The following ZFAND6 variants were observed in gnomAD, a reference collection of about 807,000 sequenced individuals.
ZFAND6 encodes zinc finger AN1-type containing 6.
In ZFAND6, 12 loss-of-function variants were observed where a neutral mutation model predicts 24.5. The observed-to-expected ratio is 0.49, with a 90% CI of 0.31 to 0.79. ZFAND6 has a LOEUF of 0.79. Among genes scored for constraint, ZFAND6 ranks in the 30% least tolerant of loss-of-function variants. The probability of loss-of-function intolerance (pLI) is 0.04; values close to 1 mark genes in which losing one functional copy is unlikely to be tolerated. For missense variants in ZFAND6, 207 were observed against 245.9 expected (o/e 0.84, Z 1.06); for synonymous variants, 92 against 81.5 (o/e 1.13, Z -0.69).
intron 1 of ZFAND6, chr15:80,060,175 G>T (rs1422068482): frequency 2.6e-5 from 4 of 152,078 alleles, no homozygotes; most frequent in Non-Finnish European, 4.4e-5. Flanking sequence ...GTTGCGAGCG[G>T]TTGGCTGGCG....
intron 1 of ZFAND6, among the ~76,000 whole-genome samples, chr15:80,073,562 G>A (rs2037098182): frequency 6.6e-6 from 1 of 151,792 alleles, no homozygotes; most frequent in African/African-American, 2.4e-5. Flanking sequence ...TACTTGTTCC[G>A]GATCATGCAA....
In ZFAND6 at chr15:80,064,687, A is replaced by G. The variant is rs554232438; in HGVS notation, c.-181+4878A>G. ...ACACGGTCTTGCTCTATCACCCAGG[A>G]TAGAGGGCAGTGGTGCAGTCATGGT... On this transcript the variant is annotated intron_variant, in intron 1 of 6. Transcript: ENST00000261749. 7.2e-5 allele frequency among the ~76,000 whole-genome samples: 11 copies of G among 152,126 alleles called. No homozygotes were observed. The South Asian group carries it at 2.1e-3, about 29-fold the overall frequency.
intron 3 of ZFAND6, 103 bp from the exon 4 acceptor site, chr15:80,121,609 C>G: frequency 1.1e-6 from 1 of 881,512 alleles, no homozygotes; most frequent in Non-Finnish European, 1.7e-6. Context: ...AAAAGAAAAC[C>G]TCTATACTGT....
At chr15:80,114,865 A>G (rs1041342341) in intron 2 of ZFAND6, among the ~76,000 whole-genome samples, 4 of 152,256 alleles carry the variant, frequency 2.6e-5, no homozygotes, top group Non-Finnish European at 5.9e-5. Flanking sequence ...TTAAAGCTGC[A>G]TAATATGTTA....
intron 1 of ZFAND6, among the ~76,000 whole-genome samples, chr15:80,087,105 A>G (rs1046607744): frequency 6.6e-6 from 1 of 152,230 alleles, no homozygotes; most frequent in African/African-American, 2.4e-5. Flanking sequence ...TCTGTTGTGA[A>G]TAATGCCACT....
rs377287984 is a variant in ZFAND6, at chr15:80,131,179, G to C, written c.365-1G>C. 3.9e-5 allele frequency: 60 copies of C among 1,532,242 alleles called. No homozygotes were observed. Among genetic ancestry groups the C allele is most frequent in the Non-Finnish European group, 5.2e-5 (59 of 1,135,686 alleles). 94.9% of individuals were successfully genotyped at this position (1,532,242 alleles called of 1,614,324 possible). ...TTTTGCCACCTTCGTATTTTTGTTA[G>C]CTTCAGTATCAGACACAGCACAGCA... On this transcript the variant is annotated splice_acceptor_variant, in intron 5 of 6. Transcript: ENST00000261749. LOFTEE classifies it high-confidence loss of function.
chr15:80,084,440 T>G (rs1030696588), intron 1 of ZFAND6, among the ~76,000 whole-genome samples: 4 of 152,198 alleles, frequency 2.6e-5, no homozygotes, highest in African/African-American at 9.6e-5. Flanking sequence ...CCCAGACATT[T>G]TGGAAAAAGG....
intron 1 of ZFAND6, among the ~76,000 whole-genome samples, chr15:80,082,966 C>T (rs1477166347): frequency 6.6e-6 from 1 of 152,038 alleles, no homozygotes; most frequent in Non-Finnish European, 1.5e-5. Context: ...TACTATGTAT[C>T]CTATACATAT....
At position 80,137,894 on chromosome 15, in the gene ZFAND6, C is replaced by T. The variant is rs556016603; in HGVS notation, c.*266C>T. Reference sequence around the variant, plus strand: ...GAGTGCAGAGGGCTTTTATAACAAACGTGCAGAAATTTTGGAGGGCTGTGA... The same window carrying T: ...GAGTGCAGAGGGCTTTTATAACAAATGTGCAGAAATTTTGGAGGGCTGTGA... On this transcript the variant is annotated 3_prime_UTR_variant, in exon 7 of 7. Coordinates refer to ENST00000261749, the MANE Select transcript of ZFAND6 (RefSeq NM_019006.4). 6.1e-5 allele frequency: 16 copies of T among 260,214 alleles called. No homozygotes were observed. In the East Asian group the frequency reaches 6.4e-4, roughly 10 times the overall value. 16.1% of individuals were successfully genotyped at this position (260,214 alleles called of 1,614,324 possible). A position where few individuals can be genotyped will look rare whatever the true frequency, so the allele number is the denominator to read the frequency against.
At chr15:80,061,062 A>C (rs1157799234) in intron 1 of ZFAND6, among the ~76,000 whole-genome samples, 1 of 152,212 alleles carries the variant, frequency 6.6e-6, no homozygotes, top group Admixed American at 6.5e-5. Flanking sequence ...TAACCATGTC[A>C]CCAATTTTAA....
At chr15:80,066,039 T>C (rs1254413634) in intron 1 of ZFAND6, among the ~76,000 whole-genome samples, 1 of 152,164 alleles carries the variant, frequency 6.6e-6, no homozygotes, top group African/African-American at 2.4e-5. Context: ...TCAACAAGTA[T>C]TTAAGCACCT....
intron 1 of ZFAND6, among the ~76,000 whole-genome samples, chr15:80,076,339 A>T (rs910637094): frequency 6.6e-5 from 10 of 151,982 alleles, no homozygotes; most frequent in South Asian, 6.2e-4. Context: ...GTTAGCCACA[A>T]TTAGCCTATA....
intron 1 of ZFAND6, among the ~76,000 whole-genome samples, chr15:80,073,971 T>C (rs2037124850): frequency 6.6e-6 from 1 of 151,942 alleles, no homozygotes; most frequent in Non-Finnish European, 1.5e-5. Context: ...GGAAAAATCC[T>C]GGAGTGGCTT....
chr15:80,098,546 C>T lies in ZFAND6; in HGVS notation c.-50C>T, dbSNP rs2038861731. On this transcript the variant is annotated 5_prime_UTR_variant, in exon 2 of 7. Coordinates refer to ENST00000261749, the MANE Select transcript of ZFAND6 (RefSeq NM_019006.4). ...GAAAGCTAATGTCTGTCTCAAGATACAGGACAGCTGTTTGCTCATCAACCT... is the reference window on the plus strand; with the variant it reads ...GAAAGCTAATGTCTGTCTCAAGATATAGGACAGCTGTTTGCTCATCAACCT... The T allele has an allele frequency of 6.6e-6, 1 of 152,168 alleles. No individual in the cohort carries two copies. Among genetic ancestry groups the T allele is most frequent in the South Asian group, 2.1e-4 (1 of 4,830 alleles). 9.4% of individuals were successfully genotyped at this position (152,168 alleles called of 1,614,324 possible). A position where few individuals can be genotyped will look rare whatever the true frequency, so the allele number is the denominator to read the frequency against.
intron 1 of ZFAND6, among the ~76,000 whole-genome samples, chr15:80,089,868 T>G (rs923156096): frequency 6.6e-6 from 1 of 152,280 alleles, no homozygotes; most frequent in Non-Finnish European, 1.5e-5. Flanking sequence ...ATTTTAAGAG[T>G]ATCAGTCTAC....
At chr15:80,109,217 C>T (rs947648513) in intron 2 of ZFAND6, among the ~76,000 whole-genome samples, 1 of 152,124 alleles carries the variant, frequency 6.6e-6, no homozygotes, top group African/African-American at 2.4e-5. Flanking sequence ...TTCATACATT[C>T]AATCAATATT....
chr15:80,104,761 G>A (rs142898880), intron 2 of ZFAND6, among the ~76,000 whole-genome samples: 5 of 152,080 alleles, frequency 3.3e-5, no homozygotes, highest in South Asian at 4.2e-4. Flanking sequence ...GAGTTGAATG[G>A]CTTCCAATTA....
intron 6 of ZFAND6, 138 bp from the exon 7 acceptor site, chr15:80,137,342 T>G (rs1221072488): frequency 5.0e-5 from 48 of 956,178 alleles, no homozygotes; most frequent in Non-Finnish European, 5.8e-6. Context: ...AAGAATGTAG[T>G]TTGTGAGACA....
At chr15:80,083,684 A>T (rs1446203691) in intron 1 of ZFAND6, among the ~76,000 whole-genome samples, 1 of 152,132 alleles carries the variant, frequency 6.6e-6, no homozygotes, top group African/African-American at 2.4e-5. Flanking sequence ...CAATGTCAGG[A>T]GTTTGAGACT....
Sources: allele counts gnomAD v4.1 joint callset (sites outside exome capture counted in the v4.1 genomes callset), GRCh38; gene constraint gnomAD v4.1.1; transcripts MANE v1.5; gene names NCBI Gene and HGNC (gene_info 2026-07-23, HGNC 2026-07-21).